PHF6: variants seen among roughly 807,000 people sequenced by gnomAD.
PHF6 encodes PHD finger protein 6.
A neutral mutation model predicts 34.0 loss-of-function variants in PHF6; 7 were observed. That is an observed-to-expected ratio of 0.21 (90% confidence interval 0.12 to 0.39). The LOEUF is 0.39. Among genes scored for constraint, PHF6 ranks in the 10% least tolerant of loss-of-function variants. The pLI is 1.00. For missense variants in PHF6, 128 were observed against 262.8 expected (o/e 0.49, Z 3.55); for synonymous variants, 89 against 88.4 (o/e 1.01, Z -0.04).
chrX:134,406,062 T>TTCTTTCTTTCTTTCTTTC (rs1556017614), intron 5 of PHF6, among the ~76,000 whole-genome samples: 3 of 78,076 alleles, frequency 3.8e-5, no homozygotes, highest in African/African-American at 1.5e-4. Context: ...TCCTTTTTCT[T>TTCTTTCTTTCTTTCTTTC]TTTCTTTCTT....
chrX:134,406,866 C>G (rs983671818), intron 5 of PHF6, among the ~76,000 whole-genome samples: 1 of 112,072 alleles, frequency 8.9e-6, no homozygotes, highest in African/African-American at 3.2e-5. Context: ...GCTTTCCTGT[C>G]ACCCGTGCCC....
chrX:134,427,835 T>G lies in PHF6; in HGVS notation c.*2175T>G, dbSNP rs919598282. Reference sequence around the variant, plus strand: ...ATTCTCTAATCATGTTTTCGTCACATGCTGAGTAAAAGTGCCTTACAATGT... The same window carrying G: ...ATTCTCTAATCATGTTTTCGTCACAGGCTGAGTAAAAGTGCCTTACAATGT... On this transcript the variant is annotated 3_prime_UTR_variant, in exon 11 of 11. Coordinates refer to ENST00000370803, the MANE Select transcript of PHF6 (RefSeq NM_001015877.2). 27 of 157,924 alleles carry G rather than the reference T, an allele frequency of 1.7e-4. No individual in the cohort carries two copies. 13.0% of individuals were successfully genotyped at this position (157,924 alleles called of 1,213,427 possible). A position where few individuals can be genotyped will look rare whatever the true frequency, so the allele number is the denominator to read the frequency against.
At chrX:134,380,050 CATT>C (rs758444876) in intron 3 of PHF6, among the ~76,000 whole-genome samples, 6 of 111,110 alleles carry the variant, frequency 5.4e-5, no homozygotes, top group Non-Finnish European at 9.4e-5. Flanking sequence ...AATGTTGAAA[CATT>C]ATTAACAAAT....
rs773143965 is a variant in PHF6, at chrX:134,411,800, T to G, written c.419-1691T>G. Reference sequence around the variant, plus strand: ...CAGGCTGGAGTGCAGTGGCACAATCTCGGCTCTCTGCAACCTCCGCCTCCC... The same window carrying G: ...CAGGCTGGAGTGCAGTGGCACAATCGCGGCTCTCTGCAACCTCCGCCTCCC... On this transcript the variant is annotated intron_variant, in intron 5 of 10. Transcript: ENST00000370803. Among the ~76,000 whole-genome samples, 3 of 111,782 alleles carry G rather than the reference T, an allele frequency of 2.7e-5. No homozygotes were observed. In the South Asian group the frequency reaches 1.1e-3, roughly 42 times the overall value.
chrX:134,405,569 T>C (rs1187704692), intron 5 of PHF6, among the ~76,000 whole-genome samples: 7 of 111,535 alleles, frequency 6.3e-5, no homozygotes, highest in Non-Finnish European at 9.4e-5. Flanking sequence ...TCATCTGTGA[T>C]TTAGCACACT....
intron 5 of PHF6, among the ~76,000 whole-genome samples, chrX:134,412,451 C>T (rs1303006793): frequency 4.5e-5 from 5 of 111,414 alleles, no homozygotes; most frequent in African/African-American, 1.6e-4. Context: ...AAGATATTAA[C>T]GTCTGAGCAT....
At chrX:134,383,392 T>C in intron 3 of PHF6, among the ~76,000 whole-genome samples, 1 of 111,638 alleles carries the variant, frequency 9.0e-6, no homozygotes, top group Middle Eastern at 4.3e-3. Context: ...TCTCTTAATT[T>C]AAAGCCATTT....
In PHF6 at chrX:134,425,287, T is replaced by C; in HGVS notation, c.1055T>C (p.Ile352Thr). 8.3e-7 allele frequency: 1 copy of C among 1,211,092 alleles called. No homozygotes were observed. The highest frequency in any genetic ancestry group is 2.3e-4 in the Middle Eastern group (1 of 4,350). ...AGTAAAAGCCGAGGAAAAGTAGAAA[T>C]TGATCAGCAACAACTAACTCAGCAG... ...RESKSRGKVE[I>T]DQQQLTQQQL... The change falls in exon 10 of 11, where the codon ATT (isoleucine) becomes ACT (threonine). Residue 352 changes from isoleucine to threonine, a missense_variant. Physicochemically the swap from Ile to Thr is moderately conservative, Grantham distance 89 (BLOSUM62 -1). Around this residue, in one of 3 missense-constraint regions of PHF6, gnomAD observed 15 missense variants for 16.2 expected, o/e 0.93. Coordinates refer to ENST00000370803, the MANE Select transcript of PHF6 (RefSeq NM_001015877.2).
In PHF6 at chrX:134,428,250, G is replaced by A. The variant is rs1355380248; in HGVS notation, c.*2590G>A. On this transcript the variant is annotated 3_prime_UTR_variant, in exon 11 of 11. Transcript: ENST00000370803. Reference sequence around the variant, plus strand: ...TAGGAAATGTTCTTTAGAGTAGAAAGATAGACTTGAGTTTCTATACTTTTA... The same window carrying A: ...TAGGAAATGTTCTTTAGAGTAGAAAAATAGACTTGAGTTTCTATACTTTTA... The A allele has an allele frequency of 8.2e-6, 1 of 121,218 alleles. No individual in the cohort carries two copies. Among genetic ancestry groups the A allele is most frequent in the Non-Finnish European group, 1.6e-5 (1 of 62,391 alleles). The allele number at this position is 121,218 out of a possible 1,213,427, so 10.0% of individuals were successfully genotyped here.
At chrX:134,404,134 G>T (rs957507260) in intron 5 of PHF6, among the ~76,000 whole-genome samples, 1 of 112,215 alleles carries the variant, frequency 8.9e-6, no homozygotes, top group African/African-American at 3.2e-5. Flanking sequence ...TTTCTGTGAT[G>T]AATCTGGGCA....
At chrX:134,399,153 G>C (rs1439128291) in intron 5 of PHF6, among the ~76,000 whole-genome samples, 2 of 111,679 alleles carry the variant, frequency 1.8e-5, no homozygotes, top group Admixed American at 1.9e-4. Flanking sequence ...AGTTCCTGAA[G>C]GAACCAAATG....
At chrX:134,383,052 G>C (rs1238039716) in intron 3 of PHF6, among the ~76,000 whole-genome samples, 1 of 109,532 alleles carries the variant, frequency 9.1e-6, no homozygotes, top group Non-Finnish European at 1.9e-5. Context: ...GACCAGCCTG[G>C]ACAACAAAGT....
intron 6 of PHF6, 76 bp downstream of exon 6, chrX:134,413,733 TTCA>T: frequency 8.4e-7 from 1 of 1,190,730 alleles, no homozygotes; most frequent in Non-Finnish European, 1.1e-6. Context: ...ATAGGTAAAG[TTCA>T]TCATTTGAAA....
chrX:134,383,438 T>G (rs774412554), intron 3 of PHF6, among the ~76,000 whole-genome samples: 5 of 109,676 alleles, frequency 4.6e-5, no homozygotes, highest in South Asian at 3.8e-4. Context: ...AATATTTGAG[T>G]TTTTTTTTAT....
At chrX:134,421,207 A>G (rs897592065) in intron 9 of PHF6, among the ~76,000 whole-genome samples, 2 of 111,656 alleles carry the variant, frequency 1.8e-5, no homozygotes, top group Non-Finnish European at 3.8e-5. Flanking sequence ...AGTGTCATCA[A>G]AGACCCACAT....
At chrX:134,375,627 A>C (rs772399189) in intron 1 of PHF6, among the ~76,000 whole-genome samples, 2 of 112,248 alleles carry the variant, frequency 1.8e-5, no homozygotes, top group South Asian at 7.4e-4. Context: ...TCAACTGGCC[A>C]GGATGACCGG....
At chrX:134,402,496 C>G (rs1041943093) in intron 5 of PHF6, among the ~76,000 whole-genome samples, 1 of 111,724 alleles carries the variant, frequency 9.0e-6, no homozygotes, top group Non-Finnish European at 1.9e-5. Context: ...GGCACATGAT[C>G]TGGGACAAAT....
At chrX:134,401,179 A>G (rs1369053572) in intron 5 of PHF6, among the ~76,000 whole-genome samples, 1 of 111,495 alleles carries the variant, frequency 9.0e-6, no homozygotes, top group Non-Finnish European at 1.9e-5. Context: ...TCCTCCTAGT[A>G]TTCTAAAGCC....
intron 5 of PHF6, among the ~76,000 whole-genome samples, chrX:134,406,062 T>TTCTCTTTCTTTCTTTC (rs1556017614): frequency 5.1e-5 from 4 of 78,060 alleles, no homozygotes; most frequent in African/African-American, 1.4e-4. Flanking sequence ...TCCTTTTTCT[T>TTCTCTTTCTTTCTTTC]TTTCTTTCTT....
Sources: allele counts gnomAD v4.1 joint callset (sites outside exome capture counted in the v4.1 genomes callset), GRCh38; gene constraint gnomAD v4.1.1; regional missense constraint gnomAD v4.1.1; transcripts MANE v1.5; gene names NCBI Gene and HGNC (gene_info 2026-07-23, HGNC 2026-07-21).